ABCC6: variants seen among roughly 807,000 people sequenced by gnomAD.
The protein encoded by ABCC6 is ATP-binding cassette sub-family C member 6.
In ABCC6, 126 loss-of-function variants were observed where a neutral mutation model predicts 169.5. The ratio of observed to expected loss-of-function variants is 0.74; its 90% confidence interval spans 0.64 to 0.86. The LOEUF is 0.86. Among genes scored for constraint, ABCC6 ranks in the 40% least tolerant of loss-of-function variants. The pLI is 0.00. For synonymous variants in ABCC6, 752 were observed against 814.7 expected, an observed-to-expected ratio of 0.92 and a Z score of 1.31; for missense variants, 1,733 against 1,927.2, an observed-to-expected ratio of 0.90 and a Z score of 1.89.
At position 16,202,058 on chromosome 16, in the gene ABCC6, C is replaced by G. The variant is rs946150300; in HGVS notation, c.1119G>C (p.Arg373Ser). 3 of 1,613,904 alleles carry G rather than the reference C, an allele frequency of 1.9e-6. No individual in the cohort carries two copies. Among genetic ancestry groups the G allele is most frequent in the African/African-American group, 2.7e-5 (2 of 74,930 alleles). Residue 373 changes from arginine (R) to serine (S), a missense_variant, in exon 9 of 31, where the codon AGG becomes AGC. This residue lies in a region of ABCC6 where 1,601 missense variants were observed against 1,635.5 expected (regional missense o/e 0.98). Transcript: ENST00000205557. ...GCAACCTCATCTGCAGCACCTTGAG[C>G]CTGTACATGTTCTGCTGCTCAAACA... ...QTLFEQQNMY[R>S]LKVLQMRLRS... is the part of the protein sequence containing the mutation.
chr16:16,219,258 T>A (rs2048993528), intron 4 of ABCC6, among the ~76,000 whole-genome samples: 2 of 149,878 alleles, frequency 1.3e-5, no homozygotes, highest in Admixed American at 1.3e-4. Flanking sequence ...TGTGTGTGCG[T>A]GCATGCATGT....
chr16:16,174,759 A>ACCC (rs200038324), intron 20 of ABCC6, among the ~76,000 whole-genome samples: 1,108 of 84,176 alleles, frequency 0.013, 32 homozygotes, highest in African/African-American at 0.037. Flanking sequence ...TCTGTCTCAA[A>ACCC]ACCCCCCCCC....
intron 5 of ABCC6, among the ~76,000 whole-genome samples, chr16:16,213,512 C>T (rs1163244775): frequency 6.6e-6 from 1 of 150,976 alleles, no homozygotes; most frequent in South Asian, 2.1e-4. Context: ...CTCTCATGAG[C>T]TTCTTCTATG....
Position 16,155,015 on chromosome 16 carries a change from C to T in ABCC6, c.3899G>A (p.Arg1300Lys). The change falls in exon 28 of 31, where the codon AGG (arginine) becomes AAG (lysine). Residue 1300 changes from arginine (R) to lysine (K), a missense_variant. Coordinates refer to ENST00000205557, the MANE Select transcript of ABCC6 (RefSeq NM_001171.6). ...HAGEKVGIVG[R>K]TGAGKSSLAS... is the part of the protein sequence containing the mutation. ...CAGGGAGGACTTCCCTGCCCCGGTC[C>T]TGCCAACGATGCCCACCTGCCCGGG... 1 of 1,559,528 alleles carries T rather than the reference C, an allele frequency of 6.4e-7. No homozygotes were observed. The highest frequency in any genetic ancestry group is 1.2e-5 in the South Asian group (1 of 84,810).
rs1054961364 is a variant in ABCC6, at chr16:16,189,764, C to T, written c.1635+400G>A. The stretch of plus-strand genomic sequence containing the variant: ...CTGTGGTTTAGGAAGGTTGTTCTGA[C>T]AGCAATATGAAATAAATTACAGAAT... On this transcript the variant is annotated intron_variant, in intron 12 of 30. Transcript: ENST00000205557. Among the ~76,000 whole-genome samples, 5 of 152,060 alleles carry T rather than the reference C, an allele frequency of 3.3e-5. No homozygotes were observed. The South Asian group carries it at 1.0e-3, about 32-fold the overall frequency.
intron 19 of ABCC6, 100 bp from the exon 20 acceptor site, chr16:16,176,086 C>T (rs2047270504): frequency 8.4e-7 from 1 of 1,186,240 alleles, no homozygotes; most frequent in East Asian, 2.4e-5. Flanking sequence ...TCCATTTCCC[C>T]TGATCTGGCT....
At chr16:16,220,878 CAA>C (rs900605257) in intron 2 of ABCC6, among the ~76,000 whole-genome samples, 107 of 146,754 alleles carry the variant, frequency 7.3e-4, no homozygotes, top group Middle Eastern at 7.0e-3. Flanking sequence ...GCCTGGGTAA[CAA>C]GAGCAAAACT....
intron 21 of ABCC6, among the ~76,000 whole-genome samples, chr16:16,172,507 G>A (rs1292738062): frequency 6.6e-6 from 1 of 150,882 alleles, no homozygotes; most frequent in Non-Finnish European, 1.5e-5. Context: ...GGGTGGGATG[G>A]ATAAATCAGT....
intron 12 of ABCC6, among the ~76,000 whole-genome samples, chr16:16,189,845 G>A (rs567986467): frequency 1.3e-5 from 2 of 152,124 alleles, no homozygotes; most frequent in African/African-American, 4.8e-5. Context: ...TGCTGGCCAG[G>A]ATCAGGGAAG....
At chr16:16,180,226 C>A (rs967592242) in intron 17 of ABCC6, among the ~76,000 whole-genome samples, 1 of 152,194 alleles carries the variant, frequency 6.6e-6, no homozygotes, top group Non-Finnish European at 1.5e-5. Flanking sequence ...CAGTTCCTAA[C>A]AGGCCACAGA....
chr16:16,191,578 C>G (rs991617241), intron 11 of ABCC6, among the ~76,000 whole-genome samples: 1 of 151,126 alleles, frequency 6.6e-6, no homozygotes, highest in Non-Finnish European at 1.5e-5. Context: ...CTCTCTTTCC[C>G]GCCTTTTCTT....
intron 16 of ABCC6, 41 bp from the exon 17 acceptor site, chr16:16,182,629 A>C (rs2047515404): frequency 1.2e-6 from 2 of 1,606,142 alleles, no homozygotes; most frequent in Non-Finnish European, 1.7e-6. Context: ...GATGATGGGG[A>C]CAGAGGTGGG....
At chr16:16,209,558 T>C (rs2048523328) in intron 6 of ABCC6, among the ~76,000 whole-genome samples, 1 of 151,704 alleles carries the variant, frequency 6.6e-6, no homozygotes, top group Non-Finnish European at 1.5e-5. Context: ...ACCAAAACTA[T>C]CATTGTAGAA....
intron 8 of ABCC6, among the ~76,000 whole-genome samples, 187 bp downstream of exon 8, chr16:16,203,223 C>T (rs2048298865): frequency 6.6e-6 from 1 of 152,196 alleles, no homozygotes; most frequent in African/African-American, 2.4e-5. Flanking sequence ...TGCTTATTTG[C>T]CCTTCTGGGG....
At chr16:16,209,613 A>AT (rs972226921) in intron 6 of ABCC6, among the ~76,000 whole-genome samples, 59 of 149,220 alleles carry the variant, frequency 4.0e-4, no homozygotes, top group Non-Finnish European at 7.5e-4. Flanking sequence ...AATTATTATT[A>AT]TTTTTTTTGA....
intron 9 of ABCC6, among the ~76,000 whole-genome samples, chr16:16,201,758 G>A (rs2283503): frequency 0.31 from 46,508 of 151,934 alleles, 8,092 homozygotes; most frequent in South Asian, 0.52. Context: ...AACCCGGGAG[G>A]CGGAGGTTGC....
chr16:16,217,100 A>G (rs2048904372), intron 4 of ABCC6, among the ~76,000 whole-genome samples: 2 of 152,190 alleles, frequency 1.3e-5, no homozygotes, highest in South Asian at 2.1e-4. Flanking sequence ...GCTAGTGTGA[A>G]CTGAGGTTTT....
chr16:16,153,244 T>C (rs2046440998), intron 29 of ABCC6, among the ~76,000 whole-genome samples: 1 of 152,116 alleles, frequency 6.6e-6, no homozygotes, highest in Non-Finnish European at 1.5e-5. Context: ...TACACCTATG[T>C]TCATAGTGGC....
chr16:16,158,726 T>C (rs1001392092), intron 26 of ABCC6, among the ~76,000 whole-genome samples: 2 of 152,252 alleles, frequency 1.3e-5, no homozygotes, highest in Non-Finnish European at 2.9e-5. Flanking sequence ...GTTTTCTTAC[T>C]GTTACATTGC....
Sources: gnomAD v4.1 joint callset for allele counts (sites outside exome capture counted in the v4.1 genomes callset) on GRCh38, gnomAD v4.1.1 for gene constraint, gnomAD v4.1.1 regional missense constraint, MANE v1.5 for transcripts, NCBI Gene and HGNC (gene_info 2026-07-23, HGNC 2026-07-21) for gene names.